Variants in ACSL4 observed in about 807,000 individuals in gnomAD.
ACSL4 encodes acyl-CoA synthetase long chain family member 4.
Under a neutral mutation model 49.1 loss-of-function variants are expected in ACSL4, and 9 were observed. The observed-to-expected ratio is 0.18, with a 90% CI of 0.11 to 0.32. ACSL4 has a LOEUF of 0.32. Ranked by LOEUF, ACSL4 falls within the 10% of genes least tolerant of loss-of-function variation. The pLI is 1.00. For missense variants in ACSL4, 333 were observed against 493.7 expected (o/e 0.67, Z 3.08); for synonymous variants, 191 against 170.3 (o/e 1.12, Z -0.95).
intron 1 of ACSL4, among the ~76,000 whole-genome samples, chrX:109,718,598 T>C (rs1261979499): frequency 9.0e-6 from 1 of 110,971 alleles, no homozygotes; most frequent in Non-Finnish European, 1.9e-5. Flanking sequence ...CTACAAAAAA[T>C]ACAAAAATTA....
intron 15 of ACSL4, among the ~76,000 whole-genome samples, chrX:109,648,498 T>G (rs1433885954): frequency 1.8e-5 from 2 of 111,154 alleles, no homozygotes; most frequent in Admixed American, 9.5e-5. Flanking sequence ...AAACTCTCAA[T>G]AAATTAGGTA....
chrX:109,642,297 T>A lies in ACSL4; in HGVS notation c.*1732A>T, dbSNP rs1472496062. 1.8e-5 allele frequency: 2 copies of A among 111,654 alleles called. No individual in the cohort carries two copies. The highest frequency in any genetic ancestry group is 6.5e-5 in the African/African-American group (2 of 30,664). 9.2% of individuals were successfully genotyped at this position (111,654 alleles called of 1,213,427 possible). On this transcript the variant is annotated 3_prime_UTR_variant, in exon 16 of 16. Coordinates refer to ENST00000672401, the MANE Select transcript of ACSL4 (RefSeq NM_001318510.2). ...GGCAGGAATAAAAGCTGAACAGTAG[T>A]CTACTTGATAATAATGGTATTTCAC...
chrX:109,723,075 G>GAA (rs1245521235), intron 1 of ACSL4, among the ~76,000 whole-genome samples: 1 of 111,235 alleles, frequency 9.0e-6, no homozygotes, highest in East Asian at 2.8e-4. Flanking sequence ...ATCGATAGCA[G>GAA]AAAACATCAT....
intron 12 of ACSL4, among the ~76,000 whole-genome samples, chrX:109,665,169 A>G (rs761222534): frequency 1.5e-4 from 17 of 111,691 alleles, no homozygotes; most frequent in South Asian, 3.8e-4. Context: ...AGAAAGCTCC[A>G]GTAAGAATTT....
intron 15 of ACSL4, among the ~76,000 whole-genome samples, chrX:109,651,260 G>A (rs1921116248): frequency 9.0e-6 from 1 of 111,450 alleles, no homozygotes; most frequent in Non-Finnish European, 1.9e-5. Context: ...AACAGCAATT[G>A]CCAAGAAGCA....
In ACSL4 at chrX:109,673,296, T is replaced by C. The variant is rs1923423188; in HGVS notation, c.1002+1106A>G. Among the ~76,000 whole-genome samples the C allele has an allele frequency of 2.7e-5, 3 of 111,707 alleles. No homozygotes were observed. The South Asian group carries it at 1.1e-3, about 42-fold the overall frequency. Reference sequence around the variant, plus strand: ...AGATTGGTAGAGTTCAAACTTTGATTCCATCACCTATGAGCTGTGTGGCTT... The same window carrying C: ...AGATTGGTAGAGTTCAAACTTTGATCCCATCACCTATGAGCTGTGTGGCTT... On this transcript the variant is annotated intron_variant, in intron 9 of 15. Transcript: ENST00000672401.
chrX:109,671,398 C>A (rs992970678), intron 9 of ACSL4, among the ~76,000 whole-genome samples: 1 of 111,479 alleles, frequency 9.0e-6, no homozygotes. Context: ...GCCAGCCGCC[C>A]CGCCCGGGAG....
chrX:109,726,889 GT>G (rs746761419), intron 1 of ACSL4, among the ~76,000 whole-genome samples: 5 of 99,602 alleles, frequency 5.0e-5, no homozygotes, highest in Admixed American at 2.2e-4. Context: ...TGTTTTTTTT[GT>G]TTTTTTTTTA....
intron 11 of ACSL4, among the ~76,000 whole-genome samples, chrX:109,666,875 A>T: frequency 8.9e-6 from 1 of 112,318 alleles, no homozygotes; most frequent in Non-Finnish European, 1.9e-5. Context: ...AGATTGTGCC[A>T]CTGCACTCCA....
chrX:109,723,136 A>G (rs1382813084), intron 1 of ACSL4, among the ~76,000 whole-genome samples: 1 of 111,642 alleles, frequency 9.0e-6, no homozygotes, highest in Non-Finnish European at 1.9e-5. Context: ...CATTTACAGT[A>G]GAGTGTTGTT....
rs1230229394 is a variant in ACSL4, at chrX:109,641,911, T to C, written c.*2118A>G. On this transcript the variant is annotated 3_prime_UTR_variant, in exon 16 of 16. Transcript: ENST00000672401. ...GGTATAAAAATGTGAGATCAAAATCTTTAGGCTTAAATACTTGAAAAGTCA... is the reference window on the plus strand; with the variant it reads ...GGTATAAAAATGTGAGATCAAAATCCTTAGGCTTAAATACTTGAAAAGTCA... 8.9e-6 allele frequency: 1 copy of C among 112,433 alleles called. No homozygotes were observed. Among genetic ancestry groups the C allele is most frequent in the Non-Finnish European group, 1.9e-5 (1 of 53,157 alleles). 9.3% of individuals were successfully genotyped at this position (112,433 alleles called of 1,213,427 possible).
At chrX:109,687,109 C>T (rs949201111) in intron 2 of ACSL4, among the ~76,000 whole-genome samples, 1 of 111,849 alleles carries the variant, frequency 8.9e-6, no homozygotes, top group Non-Finnish European at 1.9e-5. Flanking sequence ...GAGCACAAAT[C>T]GAGCACCCAG....
intron 15 of ACSL4, among the ~76,000 whole-genome samples, chrX:109,658,315 AC>A (rs1397423364): frequency 1.8e-5 from 2 of 108,791 alleles, no homozygotes; most frequent in Admixed American, 9.9e-5. Context: ...ATTACTCACC[AC>A]CCCCCAGTCT....
At chrX:109,693,927 T>C (rs891249715) in intron 2 of ACSL4, among the ~76,000 whole-genome samples, 2 of 111,810 alleles carry the variant, frequency 1.8e-5, no homozygotes, top group African/African-American at 6.5e-5. Flanking sequence ...TGTGTGTAGG[T>C]GTGCATCTAT....
chrX:109,650,630 T>A (rs1934978772), intron 15 of ACSL4, among the ~76,000 whole-genome samples: 1 of 110,693 alleles, frequency 9.0e-6, no homozygotes, highest in Admixed American at 9.6e-5. Context: ...TATACATATG[T>A]AACTAACCTG....
At chrX:109,695,022 G>T (rs188856466) in intron 2 of ACSL4, among the ~76,000 whole-genome samples, 16 of 111,054 alleles carry the variant, frequency 1.4e-4, no homozygotes, top group Non-Finnish European at 2.6e-4. Flanking sequence ...AATAAGCTTC[G>T]GCACAAGTAT....
chrX:109,693,226 T>C (rs1401319783), intron 2 of ACSL4, among the ~76,000 whole-genome samples: 1 of 110,746 alleles, frequency 9.0e-6, no homozygotes, highest in Non-Finnish European at 1.9e-5. Context: ...ATAATTCAGC[T>C]GCCTGACCAC....
chrX:109,651,063 A>G (rs1204425775), intron 15 of ACSL4, among the ~76,000 whole-genome samples: 1 of 112,313 alleles, frequency 8.9e-6, no homozygotes, highest in Non-Finnish European at 1.9e-5. Context: ...TTGGCAAAAT[A>G]TAAGGAAGGA....
chrX:109,730,628 G>A (rs191254454), intron 1 of ACSL4, among the ~76,000 whole-genome samples: 7 of 112,456 alleles, frequency 6.2e-5, no homozygotes, highest in Non-Finnish European at 1.3e-4. Context: ...GATGAAGGAA[G>A]AAGATAGTTG....
Sources: allele counts gnomAD v4.1 joint callset (sites outside exome capture counted in the v4.1 genomes callset), GRCh38; gene constraint gnomAD v4.1.1; transcripts MANE v1.5; gene names NCBI Gene and HGNC (gene_info 2026-07-23, HGNC 2026-07-21).